The following FYB1 variants were observed in gnomAD, a reference collection of about 807,000 sequenced individuals.
FYB1 encodes FYN-binding protein 1.
A neutral mutation model predicts 94.1 loss-of-function variants in FYB1; 41 were observed. The observed-to-expected ratio is 0.44, with a 90% CI of 0.34 to 0.57. The LOEUF is 0.57. Ranked by LOEUF, FYB1 falls within the 20% of genes least tolerant of loss-of-function variation. The pLI is 0.02. For synonymous variants in FYB1, 367 were observed against 353.2 expected, an observed-to-expected ratio of 1.04 and a Z score of -0.44; for missense variants, 1,050 against 976.8, an observed-to-expected ratio of 1.07 and a Z score of -1.00.
chr5:39,140,475 G>A (rs968459278), intron 4 of FYB1, among the ~76,000 whole-genome samples: 9 of 152,310 alleles, frequency 5.9e-5, no homozygotes, highest in African/African-American at 2.2e-4. Context: ...TAACAGGACC[G>A]ATTGATGAGA....
At chr5:39,141,975 G>C (rs73749428) in intron 3 of FYB1, among the ~76,000 whole-genome samples, 19 of 152,028 alleles carry the variant, frequency 1.2e-4, no homozygotes, top group African/African-American at 4.3e-4. Flanking sequence ...ACTCCAAGGT[G>C]CTTCATTCCA....
chr5:39,230,844 T>TACACACACACAC lies in FYB1; in HGVS notation c.-27-27869_-27-27858dup, dbSNP rs10641788. Among the ~76,000 whole-genome samples the TACACACACACAC allele has an allele frequency of 3.2e-3, 465 of 143,632 alleles. 5 individuals carry two copies. Among genetic ancestry groups the TACACACACACAC allele is most frequent in the African/African-American group, 0.011 (402 of 37,934 alleles). The allele number at this position is 143,632 out of a possible 152,430, so 94.2% of individuals were successfully genotyped here. A position where few individuals can be genotyped will look rare whatever the true frequency, so the allele number is the denominator to read the frequency against. On this transcript the variant is annotated intron_variant, in intron 1 of 1. Transcript: ENST00000510188. ...GAACTTAGACTTCCCTGTCTCAGTA[T>TACACACACACAC]ACACACACACACACACACACACACA...
chr5:39,238,016 C>T (rs1489486552), intron 1 of FYB1, among the ~76,000 whole-genome samples: 10 of 152,068 alleles, frequency 6.6e-5, no homozygotes, highest in Non-Finnish European at 2.9e-5. Flanking sequence ...GGAGGAATAG[C>T]TAATACATCG....
At position 39,107,474 on chromosome 5, in the gene FYB1, A is replaced by G. The variant is rs1299354074; in HGVS notation, c.2468-9T>C. ...ATTGTCATAGATGCAGCCTGAAAGGAAAAAATACAAATTTAAATATAGTTA... is the reference window on the plus strand; with the variant it reads ...ATTGTCATAGATGCAGCCTGAAAGGGAAAAATACAAATTTAAATATAGTTA... On this transcript the variant is annotated splice_polypyrimidine_tract_variant and intron_variant, in intron 18 of 18. Coordinates refer to ENST00000512982, the MANE Select transcript of FYB1 (RefSeq NM_001465.6). 6.6e-7 allele frequency: 1 copy of G among 1,506,602 alleles called. No homozygotes were observed. Among genetic ancestry groups the G allele is most frequent in the Admixed American group, 2.1e-5 (1 of 48,446 alleles). The allele number at this position is 1,506,602 out of a possible 1,614,324, so 93.3% of individuals were successfully genotyped here.
intron 2 of FYB1, among the ~76,000 whole-genome samples, chr5:39,156,973 A>G (rs1009019840): frequency 6.6e-6 from 1 of 152,214 alleles, no homozygotes; most frequent in Non-Finnish European, 1.5e-5. Flanking sequence ...ATGATATTAA[A>G]TAATATTAAT....
chr5:39,131,328 C>A (rs985934452), intron 9 of FYB1, among the ~76,000 whole-genome samples: 1 of 152,088 alleles, frequency 6.6e-6, no homozygotes, highest in Admixed American at 6.6e-5. Context: ...CTCTTCAATT[C>A]CCTCATTATA....
intron 1 of FYB1, among the ~76,000 whole-genome samples, chr5:39,205,827 G>A (rs1020936372): frequency 6.6e-6 from 1 of 152,254 alleles, no homozygotes; most frequent in Non-Finnish European, 1.5e-5. Flanking sequence ...CCTCTCTGAG[G>A]CTCAGTTTTC....
Position 39,162,948 on chromosome 5 carries a change from C to T in FYB1, c.1136-9344G>A, listed in dbSNP as rs150222781. On this transcript the variant is annotated intron_variant, in intron 2 of 18. Transcript: ENST00000512982. ...TAAAGAATATTAGAAGTACAGCATC[C>T]TATTTAATTAAATAGCTGGAAAAAT... is the stretch of plus-strand genomic sequence containing the variant. Among the ~76,000 whole-genome samples the T allele has an allele frequency of 1.3e-3, 196 of 152,124 alleles. 1 individual carries two copies. The highest frequency in any genetic ancestry group is 4.4e-3 in the African/African-American group (184 of 41,504).
Position 39,202,215 on chromosome 5 carries a change from T to C in FYB1, c.746A>G (p.Asp249Gly), listed in dbSNP as rs1159132942. ...CAAACTTGAAATCTCCCCTGCATGG[T>C]CTTTATTTTCTGAGTCTTCCCTTGC... Reference protein sequence around the residue: ...KPAREDSENKDHAGEISSLPF... With the variant: ...KPAREDSENKGHAGEISSLPF... Residue 249 changes from aspartate (D) to glycine (G), a missense_variant, in exon 2 of 19, where the codon GAC becomes GGC. Asp to Gly is a moderately conservative substitution (Grantham distance 94). Transcript: ENST00000512982. 7 of 1,613,860 alleles carry C rather than the reference T, an allele frequency of 4.3e-6. No homozygotes were observed. The African/African-American group carries it at 8.0e-5, about 18-fold the overall frequency.
intron 3 of FYB1, among the ~76,000 whole-genome samples, chr5:39,142,650 CA>C (rs1742294033): frequency 6.6e-6 from 1 of 152,150 alleles, no homozygotes; most frequent in South Asian, 2.1e-4. Flanking sequence ...TTCACATTAC[CA>C]CAAGATATTC....
intron 1 of FYB1, among the ~76,000 whole-genome samples, chr5:39,210,723 C>T (rs1228577837): frequency 6.6e-6 from 1 of 152,190 alleles, no homozygotes; most frequent in Non-Finnish European, 1.5e-5. Flanking sequence ...TTAAATACGA[C>T]TTTCTAGCCA....
intron 2 of FYB1, chr5:39,169,320 G>A: frequency 3.9e-6 from 3 of 778,076 alleles, no homozygotes; most frequent in Non-Finnish European, 7.0e-6. Flanking sequence ...TCATGCTATG[G>A]GGTATCTTTG....
At chr5:39,242,927 A>C (rs1281433418) in intron 1 of FYB1, among the ~76,000 whole-genome samples, 2 of 152,190 alleles carry the variant, frequency 1.3e-5, no homozygotes, top group East Asian at 3.8e-4. Context: ...TGTTGGCTGC[A>C]TAAATATCTT....
intron 1 of FYB1, among the ~76,000 whole-genome samples, chr5:39,242,378 G>A (rs937900153): frequency 6.7e-5 from 10 of 150,076 alleles, no homozygotes; most frequent in African/African-American, 2.5e-4. Flanking sequence ...CTATGAGTGA[G>A]AACATGTGGT....
At chr5:39,237,052 G>A (rs1005863595) in intron 1 of FYB1, among the ~76,000 whole-genome samples, 2 of 152,134 alleles carry the variant, frequency 1.3e-5, no homozygotes, top group Admixed American at 6.6e-5. Context: ...TTGAACAGAG[G>A]TTGATGAAGG....
chr5:39,125,372 T>C (rs547531649), intron 12 of FYB1, among the ~76,000 whole-genome samples: 3 of 152,268 alleles, frequency 2.0e-5, no homozygotes, highest in Non-Finnish European at 2.9e-5. Flanking sequence ...AGGATTATTT[T>C]TGGAATAGAA....
Position 39,153,568 on chromosome 5 carries a change from G to A in FYB1, c.1172C>T (p.Ser391Phe), listed in dbSNP as rs1377644585. ...SKGQTSYSTTSLPPPPPSHPA... is the reference protein window; with the variant it reads ...SKGQTSYSTTFLPPPPPSHPA... ...ATGGGATGGTGGAGGTGGTGGCAGG[G>A]AAGTTGTTGAGTAAGACGTCTGGCC... Residue 391 changes from serine (S) to phenylalanine (F), a missense_variant, in exon 3 of 19, where the codon TCC becomes TTC. By Grantham distance (155) the Ser-to-Phe change is radical (BLOSUM62 -2). Transcript: ENST00000512982. 1 of 1,613,686 alleles carries A rather than the reference G, an allele frequency of 6.2e-7. No individual in the cohort carries two copies. The highest frequency in any genetic ancestry group is 1.3e-5 in the African/African-American group (1 of 74,892).
chr5:39,109,212 G>A (rs528510847), intron 17 of FYB1, among the ~76,000 whole-genome samples: 46 of 152,068 alleles, frequency 3.0e-4, no homozygotes, highest in African/African-American at 1.1e-3. Context: ...AGTTCCCTAT[G>A]TCTTCTGTTT....
chr5:39,216,464 G>C (rs888450432), intron 1 of FYB1, among the ~76,000 whole-genome samples: 5 of 152,070 alleles, frequency 3.3e-5, no homozygotes, highest in African/African-American at 1.2e-4. Context: ...TTGTTACACA[G>C]GTAAATGCAT....
Sources: allele counts gnomAD v4.1 joint callset (sites outside exome capture counted in the v4.1 genomes callset), GRCh38; gene constraint gnomAD v4.1.1; transcripts MANE v1.5; gene names NCBI Gene and HGNC (gene_info 2026-07-23, HGNC 2026-07-21).